Variants in BPIFB2 observed in about 807,000 individuals in gnomAD.
BPIFB2 encodes the protein BPI fold containing family B member 2.
BPIFB2 carries 39 observed loss-of-function variants against 50.1 expected under a neutral mutation model. The observed-to-expected ratio is 0.78, with a 90% CI of 0.60 to 1.02. BPIFB2 has a LOEUF of 1.02. BPIFB2 is among the 50% of genes least tolerant of loss of function. The pLI is 0.00. For missense variants in BPIFB2, 574 were observed against 585.8 expected (o/e 0.98, Z 0.21); for synonymous variants, 280 against 256.3 (o/e 1.09, Z -0.88).
At chr20:33,008,045 G>T (rs1157685707) in intron 1 of BPIFB2, among the ~76,000 whole-genome samples, 2 of 152,122 alleles carry the variant, frequency 1.3e-5, no homozygotes, top group Non-Finnish European at 2.9e-5. Flanking sequence ...CTACTCTTAG[G>T]CCATTTACCA....
intron 2 of BPIFB2, among the ~76,000 whole-genome samples, chr20:33,010,674 C>G (rs973333435): frequency 6.6e-6 from 1 of 151,994 alleles, no homozygotes; most frequent in Non-Finnish European, 1.5e-5. Context: ...GGAGATGCCC[C>G]TTCTGCTTGG....
Position 33,015,420 on chromosome 20 carries a change from T to C in BPIFB2, c.456-16T>C, listed in dbSNP as rs1978382232. 6.2e-7 allele frequency: 1 copy of C among 1,609,584 alleles called. No individual in the cohort carries two copies. Among genetic ancestry groups the C allele is most frequent in the Non-Finnish European group, 8.5e-7 (1 of 1,177,472 alleles). Reference sequence around the variant, plus strand: ...TGTTTGGGAGCCCAGGAACTCTTTCTGTGTTTCTCCCTCAGCACCTCCCAC... The same window carrying C: ...TGTTTGGGAGCCCAGGAACTCTTTCCGTGTTTCTCCCTCAGCACCTCCCAC... On this transcript the variant is annotated splice_polypyrimidine_tract_variant and intron_variant, in intron 5 of 15. Coordinates refer to ENST00000170150, the MANE Select transcript of BPIFB2 (RefSeq NM_025227.3).
chr20:33,020,540 A>G lies in BPIFB2; in HGVS notation c.1149-2A>G. ...TCCTGAATTCTCCTGCTTCTCTTTC[A>G]GGGATGTCCAGCTCACGGTGGCCTC... On this transcript the variant is annotated splice_acceptor_variant, in intron 12 of 15. Transcript: ENST00000170150. LOFTEE classifies it high-confidence loss of function. 1.2e-6 allele frequency: 2 copies of G among 1,607,498 alleles called. No individual in the cohort carries two copies.
intron 8 of BPIFB2, 42 bp downstream of exon 8, chr20:33,018,392 C>G: frequency 6.6e-7 from 1 of 1,523,578 alleles, no homozygotes; most frequent in Non-Finnish European, 9.1e-7. Flanking sequence ...GGCTTGCTGC[C>G]TCTGGAGTCC....
chr20:33,019,025 TC>T (rs752111967), intron 9 of BPIFB2, 36 bp from the exon 10 acceptor site: 2 of 1,613,734 alleles, frequency 1.2e-6, no homozygotes, highest in Non-Finnish European at 1.7e-6. Context: ...GGAGCAGCTG[TC>T]CTAAAACCTG....
chr20:33,008,808 C>G (rs554968609), intron 2 of BPIFB2, 125 bp downstream of exon 2: 5 of 769,968 alleles, frequency 6.5e-6, no homozygotes, highest in Non-Finnish European at 1.0e-5. Context: ...GAAGTTGTGT[C>G]CCTGGCACCC....
Position 33,018,354 on chromosome 20 carries a change from A to C in BPIFB2, c.669+4A>C, listed in dbSNP as rs1978511393. 1.2e-6 allele frequency: 2 copies of C among 1,609,966 alleles called. No individual in the cohort carries two copies. Among genetic ancestry groups the C allele is most frequent in the Non-Finnish European group, 1.7e-6 (2 of 1,176,442 alleles). On this transcript the variant is annotated splice_donor_region_variant and intron_variant, in intron 8 of 15. Coordinates refer to ENST00000170150, the MANE Select transcript of BPIFB2 (RefSeq NM_025227.3). ...CTACATTTCCCTGGAAGTCAATGTA[A>C]GTGCCTCCTGGCCAGCCCAGAGCTG... is the stretch of plus-strand genomic sequence containing the variant.
In BPIFB2 at chr20:33,017,458, C is replaced by T. The variant is rs1978476350; in HGVS notation, c.577+356C>T. ...AGACTCATCATTCCAAAGACCAGCT[C>T]TTGCCTCGGCCTCCCAAAGTGCTGG... On this transcript the variant is annotated intron_variant, in intron 7 of 15. Transcript: ENST00000170150. 3.3e-5 allele frequency among the ~76,000 whole-genome samples: 5 copies of T among 152,386 alleles called. No individual in the cohort carries two copies. In the South Asian group the frequency reaches 1.0e-3, roughly 32 times the overall value.
chr20:33,019,210 C>A (rs1600515157), intron 10 of BPIFB2, 95 bp downstream of exon 10: 7 of 1,483,236 alleles, frequency 4.7e-6, no homozygotes, highest in Non-Finnish European at 2.8e-6. Context: ...TTATCTGTCC[C>A]AAGTGAAGTT....
At chr20:33,021,938 C>A in intron 15 of BPIFB2, 139 bp downstream of exon 15, 1 of 858,470 alleles carries the variant, frequency 1.2e-6, no homozygotes, top group East Asian at 2.5e-5. Flanking sequence ...ATGAAAAGTC[C>A]AGGATGCCAA....
chr20:33,017,002 CT>C (rs1312077079), intron 6 of BPIFB2, 39 bp from the exon 7 acceptor site: 2 of 1,595,312 alleles, frequency 1.3e-6, no homozygotes, highest in Admixed American at 3.3e-5. Flanking sequence ...AGCCCCAGGG[CT>C]GCCCTAACCC....
At chr20:33,011,324 T>C (rs1990285291) in intron 3 of BPIFB2, among the ~76,000 whole-genome samples, 1 of 152,190 alleles carries the variant, frequency 6.6e-6, no homozygotes, top group South Asian at 2.1e-4. Context: ...GGTCACAAGA[T>C]GATTTAAGAG....
chr20:33,011,649 G>C (rs1990290037), intron 3 of BPIFB2, among the ~76,000 whole-genome samples: 4 of 152,164 alleles, frequency 2.6e-5, no homozygotes. Context: ...TATACATCTA[G>C]AATCCATCAA....
Position 33,018,916 on chromosome 20 carries a change from TGG to T in BPIFB2, c.855+97_855+98del. The T allele has an allele frequency of 1.9e-6, 3 of 1,566,666 alleles. No individual in the cohort carries two copies. The Admixed American group carries it at 5.2e-5, about 27-fold the overall frequency. ...TCCCAGAGGCCAAATCATGGGTGGG[TGG>T]GGCCGCTGAAGCTGGCGCCACAGGG... On this transcript the variant is annotated intron_variant, in intron 9 of 15. Transcript: ENST00000170150.
chr20:33,023,375 C>T lies in BPIFB2; in HGVS notation c.1369C>T (p.Gln457Ter), dbSNP rs759562997. 4.3e-6 allele frequency: 7 copies of T among 1,613,944 alleles called. No homozygotes were observed. The South Asian group carries it at 5.5e-5, about 13-fold the overall frequency. Reference protein sequence around the residue: ...YVVISSGLFYQS With the variant: ...YVVISSGLFY ...GGTGATATCCAGTGGACTCTTCTACCAGAGCTGAGGCAAGACCACTGGGAG... is the reference window on the plus strand; with the variant it reads ...GGTGATATCCAGTGGACTCTTCTACTAGAGCTGAGGCAAGACCACTGGGAG... Residue 457 changes from glutamine to a stop codon, truncating the protein, a stop_gained, in exon 16 of 16, where the codon CAG becomes TAG. Transcript: ENST00000170150. LOFTEE classifies it high-confidence loss of function.
Position 33,020,362 on chromosome 20 carries a change from A to G in BPIFB2, c.1115A>G (p.Lys372Arg), listed in dbSNP as rs1365749293. ...TTGAGACTCCAGCTCTCTGTGTCCA[A>G]GGTGAAGCTTCAGGGGACCACGTCT... ...VNLRLQLSVS[K>R]VKLQGTTSVL... Residue 372 changes from lysine (K) to arginine (R), a missense_variant, in exon 12 of 16, where the codon AAG becomes AGG. Lys to Arg is a conservative substitution (Grantham distance 26). Coordinates refer to ENST00000170150, the MANE Select transcript of BPIFB2 (RefSeq NM_025227.3). 6.2e-7 allele frequency: 1 copy of G among 1,613,946 alleles called. No homozygotes were observed. Among genetic ancestry groups the G allele is most frequent in the East Asian group, 2.2e-5 (1 of 44,884 alleles).
In BPIFB2 at chr20:33,009,375, C is replaced by T. The variant is rs1479734296; in HGVS notation, c.109+692C>T. Among the ~76,000 whole-genome samples the T allele has an allele frequency of 6.6e-6, 1 of 152,156 alleles. No homozygotes were observed. The highest frequency in any genetic ancestry group is 2.4e-5 in the African/African-American group (1 of 41,434). ...CAGACATTGCCAAGGTCCAGGACGC[C>T]AGCACAAACATGTTTATTCACCTCG... On this transcript the variant is annotated intron_variant, in intron 2 of 15. Transcript: ENST00000170150. The surrounding 1 kb of genome is among the most constrained non-coding windows in gnomAD (Gnocchi z 4.2).
At chr20:33,012,583 G>A (rs1338037926) in intron 3 of BPIFB2, among the ~76,000 whole-genome samples, 4 of 152,068 alleles carry the variant, frequency 2.6e-5, no homozygotes, top group East Asian at 1.9e-4. Flanking sequence ...TGCCCGAAGC[G>A]GGGGCCCCTC....
chr20:33,023,632 C>A lies in BPIFB2; in HGVS notation c.*249C>A, dbSNP rs6059018. 4 of 588,902 alleles carry A rather than the reference C, an allele frequency of 6.8e-6. No individual in the cohort carries two copies. The highest frequency in any genetic ancestry group is 7.1e-4 in the Middle Eastern group (2 of 2,808). The allele number at this position is 588,902 out of a possible 1,614,324, so 36.5% of individuals were successfully genotyped here. A position where few individuals can be genotyped will look rare whatever the true frequency, so the allele number is the denominator to read the frequency against. On this transcript the variant is annotated 3_prime_UTR_variant, in exon 16 of 16. Coordinates refer to ENST00000170150, the MANE Select transcript of BPIFB2 (RefSeq NM_025227.3). ...CCCTCCTTCCTCTGCCCCACCCCAG[C>A]GGGGAGCAGACTGCTCCTCCAGGCT...
Sources: gnomAD v4.1 joint callset for allele counts (sites outside exome capture counted in the v4.1 genomes callset) on GRCh38, gnomAD v4.1.1 for gene constraint, Gnocchi (gnomAD v3.1) non-coding constraint, MANE v1.5 for transcripts, NCBI Gene and HGNC (gene_info 2026-07-23, HGNC 2026-07-21) for gene names.